The following KLHL14 variants were observed in gnomAD, a reference collection of about 807,000 sequenced individuals.
KLHL14 encodes kelch-like protein 14.
A neutral mutation model predicts 64.3 loss-of-function variants in KLHL14; 22 were observed. The observed-to-expected ratio is 0.34, with a 90% confidence interval of 0.24 to 0.49. The LOEUF (loss-of-function observed/expected upper bound fraction) is 0.49. Ranked by LOEUF, KLHL14 falls within the 20% of genes least tolerant of loss-of-function variation. The probability of loss-of-function intolerance (pLI) is 0.99; values close to 1 mark genes in which losing one functional copy is unlikely to be tolerated. For synonymous variants in KLHL14, 322 were observed against 333.4 expected, an observed-to-expected ratio of 0.97 and a Z score of 0.37; for missense variants, 661 against 789.0, an observed-to-expected ratio of 0.84 and a Z score of 1.94.
intron 3 of KLHL14, chr18:32,737,611 C>G (rs1346217530): frequency 2.6e-5 from 4 of 152,112 alleles, no homozygotes; most frequent in African/African-American, 9.7e-5. Flanking sequence ...GAAGAATCCA[C>G]CAGCTTTCTG....
At chr18:32,706,935 G>C (rs2049993620) in intron 3 of KLHL14, among the ~76,000 whole-genome samples, 1 of 152,168 alleles carries the variant, frequency 6.6e-6, no homozygotes, top group Non-Finnish European at 1.5e-5. Flanking sequence ...GTGAGGGAGA[G>C]CTGGGGGAGA....
intron 3 of KLHL14, among the ~76,000 whole-genome samples, chr18:32,724,780 C>T (rs2050098951): frequency 1.3e-5 from 2 of 152,178 alleles, no homozygotes; most frequent in South Asian, 4.1e-4. Flanking sequence ...GTAAAAATTT[C>T]ATACCTTGGA....
At position 32,720,339 on chromosome 18, in the gene KLHL14, C is replaced by A. The variant is rs375020187; in HGVS notation, c.1069+21589G>T. On this transcript the variant is annotated intron_variant, in intron 3 of 8. Coordinates refer to ENST00000359358, the MANE Select transcript of KLHL14 (RefSeq NM_020805.3). ...TGGAAACAGAAGATCATAGTGACAG[C>A]GCTTATGGTCAGTTGAGGAAGGGGT... Among the ~76,000 whole-genome samples the A allele has an allele frequency of 2.6e-4, 39 of 152,150 alleles. 1 individual carries two copies. Among genetic ancestry groups the A allele is most frequent in the East Asian group, 1.9e-3 (10 of 5,172 alleles).
At position 32,674,587 on chromosome 18, in the gene KLHL14, A is replaced by G. The variant is rs1250888734; in HGVS notation, c.*70T>C. 2 of 751,346 alleles carry G rather than the reference A, an allele frequency of 2.7e-6. No homozygotes were observed. The highest frequency in any genetic ancestry group is 5.0e-6 in the Non-Finnish European group (2 of 402,140). The allele number at this position is 751,346 out of a possible 1,614,324, so 46.5% of individuals were successfully genotyped here. A position where few individuals can be genotyped will look rare whatever the true frequency, so the allele number is the denominator to read the frequency against. On this transcript the variant is annotated 3_prime_UTR_variant, in exon 9 of 9. Transcript: ENST00000359358. ...TGTACCATTAGAATGCATTGTTCCTATTATAATAGTGATGTCACCTGCCAT... is the reference window on the plus strand; with the variant it reads ...TGTACCATTAGAATGCATTGTTCCTGTTATAATAGTGATGTCACCTGCCAT...
At chr18:32,732,057 C>T (rs2050139697) in intron 3 of KLHL14, among the ~76,000 whole-genome samples, 2 of 151,990 alleles carry the variant, frequency 1.3e-5, no homozygotes, top group Admixed American at 1.3e-4. Context: ...CCCAACAACG[C>T]CACTAAAAAT....
Position 32,712,208 on chromosome 18 carries a change from GAA to G in KLHL14, c.1070-16658_1070-16657del, listed in dbSNP as rs139236837. ...AAATATTTACTATCTTGCCCTTACAGAAAAAGTTTGCCCACCTTTGTCCTAAA... is the reference window on the plus strand; with the variant it reads ...AAATATTTACTATCTTGCCCTTACAGAAAGTTTGCCCACCTTTGTCCTAAA... On this transcript the variant is annotated intron_variant, in intron 3 of 8. Transcript: ENST00000359358. 5.0e-3 allele frequency among the ~76,000 whole-genome samples: 754 copies of G among 152,258 alleles called. 5 individuals carry two copies. Among genetic ancestry groups the G allele is most frequent in the African/African-American group, 0.017 (703 of 41,552 alleles).
intron 4 of KLHL14, among the ~76,000 whole-genome samples, chr18:32,693,413 C>CACACACACACACACACACAGAGAGAGAG (rs1229737083): frequency 1.0e-5 from 1 of 97,036 alleles, no homozygotes; most frequent in African/African-American, 4.8e-5. Flanking sequence ...CACACACACA[C>CACACACACACACACACACAGAGAGAGAG]AGAGAGAGAG....
At chr18:32,687,723 A>G (rs1182740760) in intron 4 of KLHL14, among the ~76,000 whole-genome samples, 36 of 152,210 alleles carry the variant, frequency 2.4e-4, no homozygotes. Context: ...TTAAAAGATA[A>G]TATTTTTAGA....
chr18:32,732,459 A>T (rs1185271985), intron 3 of KLHL14, among the ~76,000 whole-genome samples: 2 of 152,184 alleles, frequency 1.3e-5, no homozygotes, highest in Non-Finnish European at 2.9e-5. Context: ...AAATATTTTG[A>T]TTATCCACCT....
At chr18:32,696,413 G>C (rs1425902577) in intron 3 of KLHL14, among the ~76,000 whole-genome samples, 1 of 152,158 alleles carries the variant, frequency 6.6e-6, no homozygotes, top group Non-Finnish European at 1.5e-5. Flanking sequence ...GTTAGTGTCT[G>C]CTACAATAAT....
chr18:32,721,559 A>G (rs1252031669), intron 3 of KLHL14, among the ~76,000 whole-genome samples: 1 of 152,136 alleles, frequency 6.6e-6, no homozygotes, highest in Non-Finnish European at 1.5e-5. Flanking sequence ...TGAAATTTAT[A>G]TTTCTACCTA....
chr18:32,701,186 T>C (rs2049964708), intron 3 of KLHL14, among the ~76,000 whole-genome samples: 1 of 152,174 alleles, frequency 6.6e-6, no homozygotes, highest in Non-Finnish European at 1.5e-5. Context: ...AAACATTCAC[T>C]AAACACTCAC....
At chr18:32,763,489 C>T (rs1411791365) in intron 2 of KLHL14, among the ~76,000 whole-genome samples, 2 of 152,124 alleles carry the variant, frequency 1.3e-5, no homozygotes, top group African/African-American at 2.4e-5. Flanking sequence ...TGATAAGGAC[C>T]TCTGACTCAA....
At chr18:32,699,032 A>C (rs2049950048) in intron 3 of KLHL14, among the ~76,000 whole-genome samples, 1 of 152,166 alleles carries the variant, frequency 6.6e-6, no homozygotes, top group Admixed American at 6.6e-5. Context: ...AACAAGCTGA[A>C]TCTCTGCCAC....
chr18:32,770,652 GGGATGGGA>G lies in KLHL14; in HGVS notation c.-43-26_-43-19del. ...CCTCCAACCTGGCAGACAGGGGTGG[GGGATGGGA>G]GGGAGGGGAGCAGGGTGGTGGAGCG... is the stretch of plus-strand genomic sequence containing the variant. On this transcript the variant is annotated intron_variant, in intron 1 of 8. Coordinates refer to ENST00000359358, the MANE Select transcript of KLHL14 (RefSeq NM_020805.3). The surrounding 1 kb of genome is among the most constrained non-coding windows in gnomAD (Gnocchi z 6.7). 7.1e-7 allele frequency: 1 copy of G among 1,417,324 alleles called. No individual in the cohort carries two copies. The highest frequency in any genetic ancestry group is 9.3e-7 in the Non-Finnish European group (1 of 1,071,496). 87.8% of individuals were successfully genotyped at this position (1,417,324 alleles called of 1,614,324 possible).
At chr18:32,768,962 C>T (rs868547334) in intron 2 of KLHL14, among the ~76,000 whole-genome samples, 1 of 152,226 alleles carries the variant, frequency 6.6e-6, no homozygotes, top group African/African-American at 2.4e-5. Context: ...CACCCCATCA[C>T]CCTGAAATCT....
chr18:32,747,378 G>A (rs571821698), intron 2 of KLHL14, among the ~76,000 whole-genome samples: 1 of 152,232 alleles, frequency 6.6e-6, no homozygotes, highest in East Asian at 1.9e-4. Flanking sequence ...TCATAATGTA[G>A]AATCAGTGGG....
intron 3 of KLHL14, among the ~76,000 whole-genome samples, chr18:32,698,190 G>T (rs1369313556): frequency 1.3e-5 from 2 of 152,128 alleles, no homozygotes; most frequent in African/African-American, 4.8e-5. Context: ...ATGGCCTTGG[G>T]TACTGTACTT....
At chr18:32,742,402 T>C (rs1050286153) in intron 2 of KLHL14, among the ~76,000 whole-genome samples, 2 of 152,196 alleles carry the variant, frequency 1.3e-5, no homozygotes, top group African/African-American at 4.8e-5. Context: ...TAAAGTTGCA[T>C]GTCAAAAATC....
Sources: allele counts gnomAD v4.1 joint callset (sites outside exome capture counted in the v4.1 genomes callset), GRCh38; gene constraint gnomAD v4.1.1; non-coding constraint Gnocchi (gnomAD v3.1); transcripts MANE v1.5; gene names NCBI Gene and HGNC (gene_info 2026-07-23, HGNC 2026-07-21).